The following UNKL variants were observed in gnomAD, a reference collection of about 807,000 sequenced individuals.
UNKL encodes the protein unk like zinc finger.
In UNKL, 60 loss-of-function variants were observed where a neutral mutation model predicts 78.0. That is an observed-to-expected ratio of 0.77 (90% CI 0.63 to 0.95). The LOEUF is 0.95. UNKL is among the 40% of genes least tolerant of loss of function. UNKL has a pLI of 0.00. For synonymous variants in UNKL, 608 were observed against 474.8 expected, an observed-to-expected ratio of 1.28 and a Z score of -3.65; for missense variants, 1,159 against 1,045.7, an observed-to-expected ratio of 1.11 and a Z score of -1.49.
intron 6 of UNKL, 146 bp downstream of exon 6, chr16:1,397,032 G>T: frequency 1.2e-6 from 1 of 808,036 alleles, no homozygotes; most frequent in Non-Finnish European, 2.0e-6. Flanking sequence ...CAGCCCTCAT[G>T]CCTCCACCCC....
Position 1,367,654 on chromosome 16 carries a change from A to G in UNKL, c.1788+2T>C. 7.0e-7 allele frequency: 1 copy of G among 1,435,762 alleles called. No homozygotes were observed. The highest frequency in any genetic ancestry group is 1.6e-5 in the African/African-American group (1 of 63,934). The allele number at this position is 1,435,762 out of a possible 1,614,324, so 88.9% of individuals were successfully genotyped here. A position where few individuals can be genotyped will look rare whatever the true frequency, so the allele number is the denominator to read the frequency against. On this transcript the variant is annotated splice_donor_variant, in intron 13 of 14. Transcript: ENST00000389221. LOFTEE classifies it high-confidence loss of function. ...ACCTGTCTGGCCCCCCCACACACTCACCTGCTTCACCTGCTGCCAGGACTC... is the reference window on the plus strand; with the variant it reads ...ACCTGTCTGGCCCCCCCACACACTCGCCTGCTTCACCTGCTGCCAGGACTC...
In UNKL at chr16:1,414,554, G is replaced by C; in HGVS notation, c.77+61C>G. ...GGCGGCGGAGGCGGCGCGAGCCCCG[G>C]CGGGAGGCTCCGAGCTGCACCGGGC... is the stretch of plus-strand genomic sequence containing the variant. On this transcript the variant is annotated intron_variant, in intron 1 of 14. Transcript: ENST00000389221. The C allele has an allele frequency of 5.3e-6, 4 of 755,398 alleles. 1 individual carries two copies. In the South Asian group the frequency reaches 2.3e-4, roughly 43 times the overall value. The allele number at this position is 755,398 out of a possible 1,614,324, so 46.8% of individuals were successfully genotyped here. A position where few individuals can be genotyped will look rare whatever the true frequency, so the allele number is the denominator to read the frequency against.
chr16:1,390,444 G>C (rs1371535850), intron 9 of UNKL, among the ~76,000 whole-genome samples, 188 bp downstream of exon 9: 1 of 152,212 alleles, frequency 6.6e-6, no homozygotes, highest in East Asian at 1.9e-4. Flanking sequence ...AAACACGGGG[G>C]TACCAGGAAA....
chr16:1,395,783 C>T (rs531594338), intron 6 of UNKL: 340 of 456,262 alleles, frequency 7.5e-4, no homozygotes, highest in African/African-American at 5.2e-3. Context: ...ACACAGAAAA[C>T]GCCCCGGACA....
rs1426887186 is a variant in UNKL, at chr16:1,398,157, G to A, written c.735-862C>T. On this transcript the variant is annotated intron_variant, in intron 5 of 14. Coordinates refer to ENST00000389221, the MANE Select transcript of UNKL (RefSeq NM_001372107.1). ...CCAACTTTCTATAAAATGGAAGCGA[G>A]AGTTTTGATCCCACAATTTAAAACT... 7 of 448,092 alleles carry A rather than the reference G, an allele frequency of 1.6e-5. No homozygotes were observed. The South Asian group carries it at 6.3e-4, about 41-fold the overall frequency. The allele number at this position is 448,092 out of a possible 1,614,324, so 27.8% of individuals were successfully genotyped here. A position where few individuals can be genotyped will look rare whatever the true frequency, so the allele number is the denominator to read the frequency against.
chr16:1,411,564 T>C lies in UNKL; in HGVS notation c.287+2282A>G, dbSNP rs1348871482. On this transcript the variant is annotated intron_variant, in intron 2 of 14. Coordinates refer to ENST00000389221, the MANE Select transcript of UNKL (RefSeq NM_001372107.1). ...AAAAACAGCCGGGCGCGGTGGCTCA[T>C]GCCTGTAATCCCAGCACTTTGGGAC... Among the ~76,000 whole-genome samples the C allele has an allele frequency of 1.3e-5, 2 of 151,908 alleles. 1 individual carries two copies. The highest frequency in any genetic ancestry group is 2.9e-5 in the Non-Finnish European group (2 of 67,944).
Position 1,399,198 on chromosome 16 carries a change from T to TG in UNKL, c.734+175dup, listed in dbSNP as rs1412141839. On this transcript the variant is annotated intron_variant, in intron 5 of 14. Coordinates refer to ENST00000389221, the MANE Select transcript of UNKL (RefSeq NM_001372107.1). This position sits in a 1 kb window ranked among gnomAD's most constrained non-coding sequence, Gnocchi z 5.8. ...GAGGCCCATCCCCAGGACAGACGCG[T>TG]GGGCCTCCATGGCACCTCCCACAGC... 8.3e-7 allele frequency: 1 copy of TG among 1,199,350 alleles called. No individual in the cohort carries two copies. The highest frequency in any genetic ancestry group is 1.1e-6 in the Non-Finnish European group (1 of 888,478). 74.3% of individuals were successfully genotyped at this position (1,199,350 alleles called of 1,614,324 possible).
At chr16:1,380,920 C>A (rs1596696732) in intron 10 of UNKL, among the ~76,000 whole-genome samples, 1 of 152,112 alleles carries the variant, frequency 6.6e-6, no homozygotes, top group Non-Finnish European at 1.5e-5. Context: ...GGTGATCCAC[C>A]CGCCCTGGCC....
intron 10 of UNKL, 126 bp downstream of exon 10, chr16:1,385,082 G>C (rs575679809): frequency 4.0e-6 from 3 of 744,728 alleles, no homozygotes; most frequent in Non-Finnish European, 5.5e-6. Context: ...CTGAAAATAC[G>C]CGTCTGGCTT....
intron 9 of UNKL, among the ~76,000 whole-genome samples, chr16:1,388,353 G>C (rs2142108365): frequency 6.6e-6 from 1 of 152,278 alleles, no homozygotes; most frequent in Middle Eastern, 3.4e-3. Context: ...GCGCTGCCCG[G>C]CCCAGGGTGA....
rs2035211229 is a variant in UNKL, at chr16:1,365,893, A to G, written c.*347T>C. ...GACCCCAGCTCCCAGTGGCCTAGTC[A>G]CAGTAGTGTCAGGACCACAAACTGC... On this transcript the variant is annotated 3_prime_UTR_variant, in exon 15 of 15. Coordinates refer to ENST00000389221, the MANE Select transcript of UNKL (RefSeq NM_001372107.1). The G allele has an allele frequency of 9.8e-6, 2 of 204,726 alleles. No individual in the cohort carries two copies. Among genetic ancestry groups the G allele is most frequent in the Non-Finnish European group, 2.0e-5 (2 of 102,504 alleles). The allele number at this position is 204,726 out of a possible 1,614,324, so 12.7% of individuals were successfully genotyped here.
chr16:1,384,572 C>T (rs1295613405), intron 10 of UNKL, among the ~76,000 whole-genome samples: 1 of 152,128 alleles, frequency 6.6e-6, no homozygotes, highest in Non-Finnish European at 1.5e-5. Context: ...GTCCCCCACC[C>T]TCAGTGCCCT....
chr16:1,377,723 G>C (rs1224478224), intron 10 of UNKL, among the ~76,000 whole-genome samples: 1 of 152,118 alleles, frequency 6.6e-6, no homozygotes, highest in African/African-American at 2.4e-5. Flanking sequence ...GAGCCCAGAT[G>C]TCCAGCAGGG....
chr16:1,410,268 A>G (rs1325606711), intron 2 of UNKL, among the ~76,000 whole-genome samples: 3 of 132,804 alleles, frequency 2.3e-5, no homozygotes, highest in East Asian at 2.2e-4. Flanking sequence ...CCTGTCTCAG[A>G]AAAAAAAAAA....
At chr16:1,408,781 C>T (rs2037901709) in intron 2 of UNKL, 1 of 152,532 alleles carries the variant, frequency 6.6e-6, no homozygotes, top group Non-Finnish European at 1.5e-5. Context: ...GGGTCCCAGT[C>T]CTGCTCTGCC....
In UNKL at chr16:1,399,055, G is replaced by C; in HGVS notation, c.734+319C>G. ...AGAGCGTGGCTGCAACCAGAGGCAC[G>C]GGTGGGGCACACGGGGGTCCCAGCT... On this transcript the variant is annotated intron_variant, in intron 5 of 14. Coordinates refer to ENST00000389221, the MANE Select transcript of UNKL (RefSeq NM_001372107.1). This position sits in a 1 kb window ranked among gnomAD's most constrained non-coding sequence, Gnocchi z 5.8. 7.8e-6 allele frequency: 11 copies of C among 1,402,266 alleles called. No homozygotes were observed. The highest frequency in any genetic ancestry group is 1.0e-5 in the Non-Finnish European group (11 of 1,065,718). The allele number at this position is 1,402,266 out of a possible 1,614,324, so 86.9% of individuals were successfully genotyped here. A position where few individuals can be genotyped will look rare whatever the true frequency, so the allele number is the denominator to read the frequency against.
At position 1,399,321 on chromosome 16, in the gene UNKL, C is replaced by A; in HGVS notation, c.734+53G>T. 2 of 1,498,246 alleles carry A rather than the reference C, an allele frequency of 1.3e-6. No homozygotes were observed. Among genetic ancestry groups the A allele is most frequent in the Non-Finnish European group, 1.8e-6 (2 of 1,125,082 alleles). 92.8% of individuals were successfully genotyped at this position (1,498,246 alleles called of 1,614,324 possible). On this transcript the variant is annotated intron_variant, in intron 5 of 14. Transcript: ENST00000389221. The surrounding 1 kb of genome is among the most constrained non-coding windows in gnomAD (Gnocchi z 5.8). ...GGGGTGGGCAACGCGAGCCACGGGC[C>A]GGGAAGGACGCCCACCAGCCGGAGT...
At position 1,370,260 on chromosome 16, in the gene UNKL, C is replaced by A; in HGVS notation, c.1455G>T (p.Pro485=). 9 of 1,533,914 alleles carry A rather than the reference C, an allele frequency of 5.9e-6. No individual in the cohort carries two copies. Among genetic ancestry groups the A allele is most frequent in the Non-Finnish European group, 7.9e-6 (9 of 1,143,638 alleles). ...LHSPSSASTS[P]LGSLSQPLPG... ...GGAGGGGCTGGGACAGCGAACCGAG[C>A]GGCGAGGTGGACGCAGAGGATGGCG... Residue 485 remains proline (P), a synonymous_variant, in exon 12 of 15, where the codon CCG becomes CCT. Transcript: ENST00000389221.
At position 1,370,342 on chromosome 16, in the gene UNKL, G is replaced by T; in HGVS notation, c.1373C>A (p.Ala458Asp). 2 of 1,532,956 alleles carry T rather than the reference G, an allele frequency of 1.3e-6. No homozygotes were observed. The highest frequency in any genetic ancestry group is 2.4e-5 in the South Asian group (2 of 83,908). 95.0% of individuals were successfully genotyped at this position (1,532,956 alleles called of 1,614,324 possible). A position where few individuals can be genotyped will look rare whatever the true frequency, so the allele number is the denominator to read the frequency against. The change falls in exon 12 of 15, where the codon GCC (alanine) becomes GAC (aspartate). Residue 458 changes from alanine to aspartate, a missense_variant. By Grantham distance (126) the Ala-to-Asp change is moderately radical. Transcript: ENST00000389221. ...DLGAAGPRSL[A>D]GSAPVAIPGS... ...GGGGATGGCGACAGGTGCAGAGCCGGCCAGCGACCTGGGACCTGGCGGGGG... is the reference window on the plus strand; with the variant it reads ...GGGGATGGCGACAGGTGCAGAGCCGTCCAGCGACCTGGGACCTGGCGGGGG...
Sources: allele counts gnomAD v4.1 joint callset (sites outside exome capture counted in the v4.1 genomes callset), GRCh38; gene constraint gnomAD v4.1.1; non-coding constraint Gnocchi (gnomAD v3.1); transcripts MANE v1.5; gene names NCBI Gene and HGNC (gene_info 2026-07-23, HGNC 2026-07-21).